Variants in SLC20A2 observed in about 807,000 individuals in gnomAD.
The protein encoded by SLC20A2 is sodium-dependent phosphate transporter 2.
Under a neutral mutation model 61.0 loss-of-function variants are expected in SLC20A2, and 30 were observed. The ratio of observed to expected loss-of-function variants is 0.49; its 90% confidence interval spans 0.37 to 0.67. The LOEUF (loss-of-function observed/expected upper bound fraction) is 0.67. SLC20A2 is among the 30% of genes least tolerant of loss of function. SLC20A2 has a pLI of 0.00. For synonymous variants in SLC20A2, 351 were observed against 353.3 expected (o/e 0.99, Z 0.07); for missense variants, 626 against 866.4 (o/e 0.72, Z 3.48).
intron 1 of SLC20A2, among the ~76,000 whole-genome samples, chr8:42,528,277 C>T (rs1019246740): frequency 3.9e-5 from 6 of 151,972 alleles, no homozygotes; most frequent in Non-Finnish European, 7.4e-5. Flanking sequence ...CTGGCTAACA[C>T]GGTGAAACCC....
At chr8:42,539,110 G>A (rs149254224) in intron 1 of SLC20A2, among the ~76,000 whole-genome samples, 1 of 152,254 alleles carries the variant, frequency 6.6e-6, no homozygotes, top group Non-Finnish European at 1.5e-5. Flanking sequence ...CCTCCCCAAA[G>A]AGAAAATGCC....
At chr8:42,434,753 C>T (rs1159781597) in intron 8 of SLC20A2, among the ~76,000 whole-genome samples, 1 of 152,210 alleles carries the variant, frequency 6.6e-6, no homozygotes, top group Non-Finnish European at 1.5e-5. Context: ...GCTCTCCCTG[C>T]TCCAAAGCCC....
At chr8:42,540,567 G>A (rs1390699247) in intron 1 of SLC20A2, among the ~76,000 whole-genome samples, 1 of 152,046 alleles carries the variant, frequency 6.6e-6, no homozygotes, top group East Asian at 1.9e-4. Context: ...ATGTTATTGC[G>A]TAAAGTAATG....
chr8:42,511,683 T>A (rs1038928383), intron 1 of SLC20A2, among the ~76,000 whole-genome samples: 1 of 151,130 alleles, frequency 6.6e-6, no homozygotes. Flanking sequence ...CAAGCTCAAA[T>A]TAAGAGATAA....
At chr8:42,439,751 C>T in intron 6 of SLC20A2, 98 bp from the exon 7 acceptor site, 1 of 949,068 alleles carries the variant, frequency 1.1e-6, no homozygotes. Flanking sequence ...TGCTTTAGCA[C>T]TGATTTTGGA....
chr8:42,432,744 C>T (rs73675067), intron 8 of SLC20A2, among the ~76,000 whole-genome samples: 7,516 of 152,280 alleles, frequency 0.049, 562 homozygotes, highest in African/African-American at 0.16. Context: ...GACCCTCCAT[C>T]AGCAAAATAA....
At chr8:42,501,410 A>G (rs1563529107), upstream of SLC20A2, 1 of 152,246 alleles carries the variant, frequency 6.6e-6, no homozygotes, top group African/African-American at 2.4e-5. Context: ...GTACTGACAA[A>G]GAGAAGGAGT....
At chr8:42,529,315 A>G (rs1812185183) in intron 1 of SLC20A2, among the ~76,000 whole-genome samples, 1 of 152,196 alleles carries the variant, frequency 6.6e-6, no homozygotes, top group Non-Finnish European at 1.5e-5. Context: ...TTTTAAAATT[A>G]AAAGAATTTT....
chr8:42,429,497 G>A (rs1803678940), intron 9 of SLC20A2, among the ~76,000 whole-genome samples: 1 of 152,162 alleles, frequency 6.6e-6, no homozygotes, highest in South Asian at 2.1e-4. Flanking sequence ...CCTACCACAG[G>A]TGGCTCCAAA....
At chr8:42,523,457 C>T (rs1464508883) in intron 1 of SLC20A2, among the ~76,000 whole-genome samples, 6 of 152,184 alleles carry the variant, frequency 3.9e-5, no homozygotes, top group African/African-American at 1.2e-4. Context: ...AGGAAATTTG[C>T]TGTTCTGGTT....
At chr8:42,418,505 G>A (rs1802822536) in intron 10 of SLC20A2, among the ~76,000 whole-genome samples, 1 of 152,096 alleles carries the variant, frequency 6.6e-6, no homozygotes, top group African/African-American at 2.4e-5. Context: ...TCCTGTCTCA[G>A]CCTCCTGAGT....
intron 6 of SLC20A2, among the ~76,000 whole-genome samples, chr8:42,443,172 G>T (rs1298272742): frequency 7.0e-6 from 1 of 143,414 alleles, no homozygotes; most frequent in Non-Finnish European, 1.5e-5. Flanking sequence ...GTACTATATT[G>T]TATATTATAC....
chr8:42,492,576 C>T (rs896181538), intron 1 of SLC20A2, among the ~76,000 whole-genome samples: 5 of 152,192 alleles, frequency 3.3e-5, no homozygotes, highest in Admixed American at 6.5e-5. Context: ...TTCTCAGTTC[C>T]GAGCATTCCA....
intron 1 of SLC20A2, chr8:42,540,978 A>C (rs559753804): frequency 6.6e-6 from 1 of 152,398 alleles, no homozygotes; most frequent in Admixed American, 6.5e-5. Context: ...TCAGCCACGC[A>C]CCATTTAGGA....
chr8:42,449,524 C>G (rs931613854), intron 5 of SLC20A2, among the ~76,000 whole-genome samples: 1 of 152,214 alleles, frequency 6.6e-6, no homozygotes, highest in Non-Finnish European at 1.5e-5. Flanking sequence ...ACATCTAACA[C>G]TCATGACTAA....
At chr8:42,471,062 C>G (rs1807600808) in intron 2 of SLC20A2, 1 of 421,166 alleles carries the variant, frequency 2.4e-6, no homozygotes, top group Non-Finnish European at 4.8e-6. Flanking sequence ...ACACCAGCAT[C>G]TTACCTCCTG....
At chr8:42,439,404 C>T (rs1459790279) in intron 7 of SLC20A2, 46 bp downstream of exon 7, 1 of 1,596,226 alleles carries the variant, frequency 6.3e-7, no homozygotes, top group South Asian at 1.1e-5. Flanking sequence ...CCCCAGGGAA[C>T]TTCTCTGTGC....
At chr8:42,462,779 G>C (rs1806817588) in intron 4 of SLC20A2, among the ~76,000 whole-genome samples, 1 of 152,102 alleles carries the variant, frequency 6.6e-6, no homozygotes, top group African/African-American at 2.4e-5. Flanking sequence ...CTAAAGTACA[G>C]AGCCAAGAAA....
chr8:42,478,048 G>C (rs1808267493), intron 1 of SLC20A2, among the ~76,000 whole-genome samples: 1 of 151,510 alleles, frequency 6.6e-6, no homozygotes, highest in Non-Finnish European at 1.5e-5. Flanking sequence ...ACCACACCCA[G>C]CTAATTTTTG....
Sources: gnomAD v4.1 joint callset for allele counts (sites outside exome capture counted in the v4.1 genomes callset) on GRCh38, gnomAD v4.1.1 for gene constraint, MANE v1.5 for transcripts, NCBI Gene and HGNC (gene_info 2026-07-23, HGNC 2026-07-21) for gene names.